The following MTDH variants were observed in gnomAD, a reference collection of about 807,000 sequenced individuals.
MTDH encodes metadherin.
A neutral mutation model predicts 72.7 loss-of-function variants in MTDH; 34 were observed. That is an observed-to-expected ratio of 0.47 (90% CI 0.36 to 0.62). The LOEUF (loss-of-function observed/expected upper bound fraction) is 0.62. MTDH is among the 20% of genes least tolerant of loss of function. The pLI is 0.00. For missense variants in MTDH, 677 were observed against 699.4 expected (o/e 0.97, Z 0.36); for synonymous variants, 266 against 268.9 (o/e 0.99, Z 0.10).
chr8:97,666,996 C>T (rs1471975818), intron 2 of MTDH, among the ~76,000 whole-genome samples: 4 of 151,632 alleles, frequency 2.6e-5, no homozygotes, highest in African/African-American at 2.4e-5. Flanking sequence ...CGTACCCTGC[C>T]ATTTTGTTTT....
At chr8:97,711,467 G>A (rs1055759636) in intron 8 of MTDH, among the ~76,000 whole-genome samples, 1 of 151,862 alleles carries the variant, frequency 6.6e-6, no homozygotes, top group Non-Finnish European at 1.5e-5. Context: ...GAGCAACAGA[G>A]CGAGACCCTG....
intron 2 of MTDH, among the ~76,000 whole-genome samples, chr8:97,662,902 G>C (rs375965476): frequency 6.6e-6 from 1 of 151,684 alleles, no homozygotes; most frequent in African/African-American, 2.4e-5. Context: ...TTTGAAATTG[G>C]AAGAACCAAG....
intron 1 of MTDH, among the ~76,000 whole-genome samples, chr8:97,651,974 C>A (rs1811789547): frequency 6.6e-6 from 1 of 152,262 alleles, no homozygotes; most frequent in South Asian, 2.1e-4. Context: ...CTCTTCATAT[C>A]TTCCTCACCT....
chr8:97,680,272 G>A (rs1176574602), intron 2 of MTDH, among the ~76,000 whole-genome samples: 2 of 151,978 alleles, frequency 1.3e-5, no homozygotes, highest in South Asian at 2.1e-4. Flanking sequence ...CAGTTTTGCC[G>A]TGTTGCCCAG....
chr8:97,719,094 A>C lies in MTDH; in HGVS notation c.1426A>C (p.Asn476His). Residue 476 changes from asparagine to histidine, a missense_variant, in exon 10 of 12, where the codon AAT becomes CAT. Physicochemically the swap from Asn to His is moderately conservative, Grantham distance 68. Transcript: ENST00000336273. ...AGAGATTAGAGAAGACCTTCCAGTG[A>C]ATACCTCTAAAACCCGTCCAAAACA... The part of the protein sequence containing the change: ...EKEIREDLPV[N>H]TSKTRPKQEK... The C allele has an allele frequency of 1.2e-6, 2 of 1,613,532 alleles. No individual in the cohort carries two copies. The highest frequency in any genetic ancestry group is 1.7e-6 in the Non-Finnish European group (2 of 1,179,586).
intron 8 of MTDH, among the ~76,000 whole-genome samples, chr8:97,710,683 C>CA (rs376391821): frequency 0.028 from 1,472 of 53,050 alleles, 94 homozygotes; most frequent in Non-Finnish European, 0.036. Flanking sequence ...GAGACTATCT[C>CA]AAAAAAAAAA....
Position 97,726,115 on chromosome 8 carries a change from A to G in MTDH, c.*1445A>G, listed in dbSNP as rs1359854689. On this transcript the variant is annotated 3_prime_UTR_variant, in exon 12 of 12. Coordinates refer to ENST00000336273, the MANE Select transcript of MTDH (RefSeq NM_178812.4). ...AACAGTATTGCGTTGTCAGACTAGG[A>G]AAGCTAAACGAACAAAATGGTTTTA... The G allele has an allele frequency of 6.6e-6, 1 of 152,670 alleles. No individual in the cohort carries two copies. The highest frequency in any genetic ancestry group is 2.4e-5 in the African/African-American group (1 of 41,458). 9.5% of individuals were successfully genotyped at this position (152,670 alleles called of 1,614,324 possible). A position where few individuals can be genotyped will look rare whatever the true frequency, so the allele number is the denominator to read the frequency against.
At chr8:97,701,687 G>A (rs963462761) in intron 7 of MTDH, among the ~76,000 whole-genome samples, 5 of 152,172 alleles carry the variant, frequency 3.3e-5, no homozygotes, top group African/African-American at 1.2e-4. Context: ...TAGGAAAATA[G>A]CAGTAAGGTA....
Position 97,706,800 on chromosome 8 carries a change from C to T in MTDH, c.1272+50C>T, listed in dbSNP as rs779937629. On this transcript the variant is annotated intron_variant, in intron 8 of 11. Coordinates refer to ENST00000336273, the MANE Select transcript of MTDH (RefSeq NM_178812.4). ...TTTATTTGTTAATGAAAGAGACAGGCTGGGCACAGTGGCTCACGCCTATGA... is the reference window on the plus strand; with the variant it reads ...TTTATTTGTTAATGAAAGAGACAGGTTGGGCACAGTGGCTCACGCCTATGA... 1.7e-5 allele frequency: 26 copies of T among 1,573,154 alleles called. No individual in the cohort carries two copies. Among genetic ancestry groups the T allele is most frequent in the Middle Eastern group, 1.7e-4 (1 of 5,882 alleles).
intron 6 of MTDH, among the ~76,000 whole-genome samples, chr8:97,697,130 A>AAAAAAAAAAAAAAAAAAATATATC (rs1813874804): frequency 1.1e-5 from 1 of 93,394 alleles, no homozygotes. Context: ...AAAAAAAAAA[A>AAAAAAAAAAAAAAAAAAATATATC]TATATATATA....
intron 1 of MTDH, among the ~76,000 whole-genome samples, chr8:97,647,654 G>A (rs978403740): frequency 3.9e-5 from 6 of 152,192 alleles, no homozygotes; most frequent in African/African-American, 1.4e-4. Context: ...CTAAACTTGA[G>A]TAAGGCATTT....
intron 9 of MTDH, among the ~76,000 whole-genome samples, chr8:97,715,457 A>C (rs532431563): frequency 2.0e-5 from 3 of 152,200 alleles, no homozygotes; most frequent in Non-Finnish European, 4.4e-5. Context: ...AAGTTTCTAC[A>C]TGGCTTTTTA....
rs767198214 is a variant in MTDH, at chr8:97,661,048, T to A, written c.382-24T>A. On this transcript the variant is annotated intron_variant, in intron 1 of 11. Transcript: ENST00000336273. Reference sequence around the variant, plus strand: ...TGATCTGCTAAGCAGTTTGATAATATGATACTTTTTGTTGCCTGTGCAGCC... The same window carrying A: ...TGATCTGCTAAGCAGTTTGATAATAAGATACTTTTTGTTGCCTGTGCAGCC... 11 of 1,594,220 alleles carry A rather than the reference T, an allele frequency of 6.9e-6. No homozygotes were observed. In the South Asian group the frequency reaches 1.2e-4, roughly 18 times the overall value.
chr8:97,669,241 C>G (rs1322394179), intron 2 of MTDH, among the ~76,000 whole-genome samples: 1 of 152,076 alleles, frequency 6.6e-6, no homozygotes, highest in African/African-American at 2.4e-5. Context: ...CTCCACCTCC[C>G]TGGGTTCAAG....
chr8:97,716,701 T>C (rs1011602863), intron 9 of MTDH, among the ~76,000 whole-genome samples: 2 of 152,100 alleles, frequency 1.3e-5, no homozygotes, highest in Non-Finnish European at 2.9e-5. Flanking sequence ...TTTCTCTTTT[T>C]GTTTTGTTTT....
chr8:97,691,949 A>G (rs927376023), intron 6 of MTDH, among the ~76,000 whole-genome samples: 1 of 151,770 alleles, frequency 6.6e-6, no homozygotes, highest in Admixed American at 6.6e-5. Context: ...GCGCGATCTC[A>G]GCTCACTGCA....
At position 97,724,669 on chromosome 8, in the gene MTDH, GA is replaced by G. The variant is rs1346680575; in HGVS notation, c.*2del. On this transcript the variant is annotated frameshift_variant and stop_lost, in exon 12 of 12. Coordinates refer to ENST00000336273, the MANE Select transcript of MTDH (RefSeq NM_178812.4). LOFTEE classifies it high-confidence loss of function. ...AAGAAAAAAGCCAGACGAGAAACGTGAAATTTTTTTTCCTGAATTGGACATG... is the reference window on the plus strand; with the variant it reads ...AAGAAAAAAGCCAGACGAGAAACGTGAATTTTTTTTCCTGAATTGGACATG... The part of the protein sequence containing the change: ...KKKKKARRET[*>X] 1.3e-6 allele frequency: 2 copies of G among 1,592,174 alleles called. No individual in the cohort carries two copies. Among genetic ancestry groups the G allele is most frequent in the Admixed American group, 1.9e-5 (1 of 53,382 alleles).
intron 7 of MTDH, chr8:97,706,274 A>G (rs1814347920): frequency 6.4e-6 from 1 of 155,708 alleles, no homozygotes; most frequent in East Asian, 1.9e-4. Flanking sequence ...AATTACAAAA[A>G]TGTTATAATA....
At chr8:97,649,069 GTGTT>G (rs1811669266) in intron 1 of MTDH, among the ~76,000 whole-genome samples, 1 of 152,228 alleles carries the variant, frequency 6.6e-6, no homozygotes, top group Admixed American at 6.5e-5. Flanking sequence ...ACTTACCATT[GTGTT>G]ACAGTTGCCA....
Sources: allele counts gnomAD v4.1 joint callset (sites outside exome capture counted in the v4.1 genomes callset), GRCh38; gene constraint gnomAD v4.1.1; transcripts MANE v1.5; gene names NCBI Gene and HGNC (gene_info 2026-07-23, HGNC 2026-07-21).